ROBO1: variants seen among roughly 807,000 people sequenced by gnomAD.
The protein encoded by ROBO1 is roundabout homolog 1.
A neutral mutation model predicts 195.9 loss-of-function variants in ROBO1; 149 were observed. The observed-to-expected ratio is 0.76, with a 90% confidence interval of 0.67 to 0.87. ROBO1 has a LOEUF of 0.87. Among genes scored for constraint, ROBO1 ranks in the 40% least tolerant of loss-of-function variants. The probability of loss-of-function intolerance (pLI) is 0.00; values close to 1 mark genes in which losing one functional copy is unlikely to be tolerated. For synonymous variants in ROBO1, 816 were observed against 733.2 expected, an observed-to-expected ratio of 1.11 and a Z score of -1.82; for missense variants, 1,933 against 2,068.3, an observed-to-expected ratio of 0.93 and a Z score of 1.27.
intron 1 of ROBO1, among the ~76,000 whole-genome samples, chr3:79,693,014 C>T (rs1176172928): frequency 6.6e-6 from 1 of 151,620 alleles, no homozygotes; most frequent in Non-Finnish European, 1.5e-5. Context: ...TGCATAAGGT[C>T]AGGTGCATGT....
At chr3:78,653,521 C>T (rs1706808026) in intron 18 of ROBO1, among the ~76,000 whole-genome samples, 1 of 152,218 alleles carries the variant, frequency 6.6e-6, no homozygotes, top group South Asian at 2.1e-4. Context: ...GTCTTCCCCA[C>T]CTGGATTCCC....
chr3:79,310,030 A>T (rs1236505733), intron 2 of ROBO1, among the ~76,000 whole-genome samples: 1 of 152,178 alleles, frequency 6.6e-6, no homozygotes, highest in Non-Finnish European at 1.5e-5. Flanking sequence ...CTAATTGAGC[A>T]TCCACAATCT....
intron 1 of ROBO1, among the ~76,000 whole-genome samples, chr3:79,630,315 A>G (rs1191406874): frequency 6.6e-6 from 1 of 152,072 alleles, no homozygotes; most frequent in Non-Finnish European, 1.5e-5. Flanking sequence ...GTTTTATTCC[A>G]GGGATGTGAG....
intron 4 of ROBO1, among the ~76,000 whole-genome samples, chr3:78,920,002 T>C (rs1277134188): frequency 6.6e-6 from 1 of 152,238 alleles, no homozygotes; most frequent in Non-Finnish European, 1.5e-5. Flanking sequence ...GAATTAAATG[T>C]AAAACAATCC....
At chr3:79,197,004 T>C (rs1464531360) in intron 2 of ROBO1, among the ~76,000 whole-genome samples, 1 of 151,734 alleles carries the variant, frequency 6.6e-6, no homozygotes, top group Non-Finnish European at 1.5e-5. Flanking sequence ...TAAATTATAC[T>C]GCTTTTCCCT....
In ROBO1 at chr3:79,120,206, AG is replaced by A. The variant is rs1284958509; in HGVS notation, c.172+5249del. ...AAGTTGGAGAAAAAAACAAAGAGTT[AG>A]AAATTAGGAGAGAAAAACAAGAGGC... is the stretch of plus-strand genomic sequence containing the variant. On this transcript the variant is annotated intron_variant, in intron 3 of 30. Coordinates refer to ENST00000464233, the MANE Select transcript of ROBO1 (RefSeq NM_002941.4). Among the ~76,000 whole-genome samples, 24 of 152,366 alleles carry A rather than the reference AG, an allele frequency of 1.6e-4. 1 individual carries two copies. In the Middle Eastern group the frequency reaches 0.017, roughly 108 times the overall value.
intron 2 of ROBO1, among the ~76,000 whole-genome samples, chr3:79,515,446 T>C (rs1323115803): frequency 2.0e-5 from 3 of 152,200 alleles, no homozygotes; most frequent in African/African-American, 7.2e-5. Context: ...ATAACACTTA[T>C]TATAAAGATG....
chr3:78,987,849 T>G (rs2077146704), intron 3 of ROBO1, among the ~76,000 whole-genome samples: 1 of 152,126 alleles, frequency 6.6e-6, no homozygotes, highest in Non-Finnish European at 1.5e-5. Flanking sequence ...ATTGCATGCC[T>G]GTATCCAAAT....
At chr3:79,767,116 T>C (rs1705040664) in intron 1 of ROBO1, among the ~76,000 whole-genome samples, 1 of 151,810 alleles carries the variant, frequency 6.6e-6, no homozygotes. Flanking sequence ...CCGCCAAGAG[T>C]TTACCAAAAT....
chr3:78,742,603 C>G (rs1476406331), intron 5 of ROBO1, among the ~76,000 whole-genome samples: 1 of 152,142 alleles, frequency 6.6e-6, no homozygotes, highest in African/African-American at 2.4e-5. Context: ...AGTGTTTTAT[C>G]AGTTCCACAG....
intron 1 of ROBO1, among the ~76,000 whole-genome samples, chr3:79,761,857 T>C (rs571915257): frequency 1.3e-5 from 2 of 152,282 alleles, no homozygotes; most frequent in South Asian, 4.1e-4. Context: ...TGGAGAGCAA[T>C]TGTTGTGATA....
At chr3:78,869,535 G>A (rs910244628) in intron 4 of ROBO1, among the ~76,000 whole-genome samples, 1 of 152,132 alleles carries the variant, frequency 6.6e-6, no homozygotes, top group Non-Finnish European at 1.5e-5. Flanking sequence ...ATGGCTCACT[G>A]CAGCCCCAAC....
At chr3:79,110,971 C>G (rs781437034) in intron 3 of ROBO1, among the ~76,000 whole-genome samples, 1 of 152,068 alleles carries the variant, frequency 6.6e-6, no homozygotes, top group East Asian at 1.9e-4. Flanking sequence ...GGCAGTGACA[C>G]TACAGTGTCA....
intron 14 of ROBO1, among the ~76,000 whole-genome samples, chr3:78,664,772 C>T (rs1188692896): frequency 6.6e-6 from 1 of 152,176 alleles, no homozygotes; most frequent in East Asian, 1.9e-4. Flanking sequence ...ACAAGTCCTT[C>T]TTGAATTTCC....
intron 4 of ROBO1, among the ~76,000 whole-genome samples, chr3:78,832,036 C>G (rs1346799368): frequency 9.4e-6 from 1 of 106,692 alleles, no homozygotes; most frequent in Non-Finnish European, 2.2e-5. Flanking sequence ...ATAAATGAAA[C>G]AACTTTGGTA....
intron 2 of ROBO1, among the ~76,000 whole-genome samples, chr3:79,360,204 G>A (rs547857083): frequency 2.6e-5 from 4 of 151,986 alleles, no homozygotes; most frequent in Admixed American, 6.6e-5. Context: ...TTGTCTCAAG[G>A]TCTTAGTGAT....
intron 1 of ROBO1, among the ~76,000 whole-genome samples, chr3:79,730,768 C>CTTTTTTTTT (rs66527491): frequency 4.2e-5 from 4 of 95,520 alleles, no homozygotes; most frequent in Non-Finnish European, 6.2e-5. Context: ...CCTGTATTTC[C>CTTTTTTTTT]TTTTTTTTTT....
chr3:78,627,252 A>G, intron 26 of ROBO1, 69 bp downstream of exon 26: 2 of 1,518,160 alleles, frequency 1.3e-6, no homozygotes, highest in Non-Finnish European at 1.8e-6. Flanking sequence ...GTGGGATAGC[A>G]TTTGGTAACT....
At chr3:79,365,381 T>A (rs1258939382) in intron 2 of ROBO1, among the ~76,000 whole-genome samples, 1 of 152,206 alleles carries the variant, frequency 6.6e-6, no homozygotes, top group Admixed American at 6.5e-5. Flanking sequence ...GTCCTGAATG[T>A]GGACAGACAA....
Sources: gnomAD v4.1 joint callset for allele counts (sites outside exome capture counted in the v4.1 genomes callset) on GRCh38, gnomAD v4.1.1 for gene constraint, MANE v1.5 for transcripts, NCBI Gene and HGNC (gene_info 2026-07-23, HGNC 2026-07-21) for gene names.